The following CDKAL1 variants were observed in gnomAD, a reference collection of about 807,000 sequenced individuals.
CDKAL1 encodes threonylcarbamoyladenosine tRNA methylthiotransferase.
Under a neutral mutation model 68.2 loss-of-function variants are expected in CDKAL1, and 32 were observed. The ratio of observed to expected loss-of-function variants is 0.47; its 90% CI spans 0.35 to 0.63. The LOEUF is 0.63. CDKAL1 is among the 30% of genes least tolerant of loss of function. The probability of loss-of-function intolerance (pLI) is 0.00; values close to 1 mark genes in which losing one functional copy is unlikely to be tolerated. For missense variants in CDKAL1, 606 were observed against 696.7 expected, an observed-to-expected ratio of 0.87 and a Z score of 1.47; for synonymous variants, 234 against 244.3, an observed-to-expected ratio of 0.96 and a Z score of 0.39.
chr6:20,711,298 A>G (rs1771833193), intron 5 of CDKAL1, among the ~76,000 whole-genome samples: 1 of 152,218 alleles, frequency 6.6e-6, no homozygotes, highest in Admixed American at 6.5e-5. Context: ...CGAGTATGTC[A>G]TTAGCCAAAT....
intron 13 of CDKAL1, among the ~76,000 whole-genome samples, chr6:21,136,739 A>G: frequency 6.6e-6 from 1 of 152,216 alleles, no homozygotes; most frequent in Admixed American, 6.5e-5. Context: ...TCCCAAGAAC[A>G]CGATGGTCCC....
chr6:20,879,273 CT>C (rs1179976730), intron 9 of CDKAL1, among the ~76,000 whole-genome samples: 1 of 152,132 alleles, frequency 6.6e-6, no homozygotes, highest in African/African-American at 2.4e-5. Flanking sequence ...GGCAAAGCCA[CT>C]TTGGTAGAGT....
At chr6:20,785,063 C>T (rs1003007575) in intron 8 of CDKAL1, among the ~76,000 whole-genome samples, 2 of 152,080 alleles carry the variant, frequency 1.3e-5, no homozygotes, top group African/African-American at 4.8e-5. Flanking sequence ...TTTGGCATCA[C>T]TCTCATCCTC....
At chr6:20,969,470 G>T (rs539287440) in intron 10 of CDKAL1, among the ~76,000 whole-genome samples, 16 of 152,302 alleles carry the variant, frequency 1.1e-4, no homozygotes, top group African/African-American at 3.9e-4. Context: ...AGTCTCAGGG[G>T]TGGTAAAGAC....
At chr6:21,128,959 G>GT (rs1388439816) in intron 13 of CDKAL1, among the ~76,000 whole-genome samples, 3 of 152,158 alleles carry the variant, frequency 2.0e-5, no homozygotes, top group African/African-American at 7.2e-5. Flanking sequence ...TCTGTCCTGG[G>GT]TTTGAATCTG....
Position 20,647,448 on chromosome 6 carries a change from G to A in CDKAL1, c.287-1845G>A, listed in dbSNP as rs567344314. Among the ~76,000 whole-genome samples the A allele has an allele frequency of 3.0e-4, 45 of 152,226 alleles. 1 individual carries two copies. Among genetic ancestry groups the A allele is most frequent in the Admixed American group, 1.8e-3 (28 of 15,292 alleles). ...CTACTTGCATATTGTTTAGTGTGCC[G>A]TGACAATTTGAATGTCTACTCTGTG... On this transcript the variant is annotated intron_variant, in intron 4 of 15. Transcript: ENST00000274695.
At chr6:20,585,510 C>G (rs938639437) in intron 4 of CDKAL1, among the ~76,000 whole-genome samples, 1 of 152,168 alleles carries the variant, frequency 6.6e-6, no homozygotes, top group Non-Finnish European at 1.5e-5. Context: ...CTACGGAGGC[C>G]CTTTTACTTG....
Position 20,882,239 on chromosome 6 carries a change from C to T in CDKAL1, c.742+36061C>T, listed in dbSNP as rs562483307. On this transcript the variant is annotated intron_variant, in intron 9 of 15. Transcript: ENST00000274695. ...ATTCCTGTCTCCAAAGGCGGAAGAA[C>T]GCTGAGGATTCCAAATGAACTCCAC... Among the ~76,000 whole-genome samples the T allele has an allele frequency of 1.2e-4, 19 of 152,272 alleles. No individual in the cohort carries two copies. In the East Asian group the frequency reaches 2.9e-3, roughly 23 times the overall value.
At chr6:20,863,037 A>C (rs114791930) in intron 9 of CDKAL1, among the ~76,000 whole-genome samples, 2,047 of 152,314 alleles carry the variant, frequency 0.013, 30 homozygotes, top group African/African-American at 0.047. Context: ...AATAAAAAAA[A>C]GAAGAGGAAA....
At chr6:20,894,431 T>C (rs1581781069) in intron 9 of CDKAL1, among the ~76,000 whole-genome samples, 1 of 145,860 alleles carries the variant, frequency 6.9e-6, no homozygotes, top group African/African-American at 2.5e-5. Context: ...AAACATATAA[T>C]GGATATTTCT....
intron 2 of CDKAL1, among the ~76,000 whole-genome samples, chr6:20,541,482 T>A (rs929546593): frequency 6.6e-6 from 1 of 152,188 alleles, no homozygotes; most frequent in Admixed American, 6.5e-5. Flanking sequence ...GCCACTTCAG[T>A]GACAAGAGAA....
intron 5 of CDKAL1, among the ~76,000 whole-genome samples, chr6:20,657,077 T>A (rs1399799813): frequency 6.6e-6 from 1 of 151,830 alleles, no homozygotes; most frequent in African/African-American, 2.4e-5. Flanking sequence ...AGTGATGGAT[T>A]ACTCTTGTCA....
At chr6:20,569,436 C>T (rs939878433) in intron 4 of CDKAL1, among the ~76,000 whole-genome samples, 1 of 152,194 alleles carries the variant, frequency 6.6e-6, no homozygotes, top group African/African-American at 2.4e-5. Context: ...TTCTTCCTGA[C>T]TCATCATCCC....
rs74460257 is a variant in CDKAL1, at chr6:21,138,154, T to C, written c.1299+29691T>C. Reference sequence around the variant, plus strand: ...ATAGTTTATGGCCATCTGTATTCTGTCATGCAAAAGAAGATGGTTCTTCCA... The same window carrying C: ...ATAGTTTATGGCCATCTGTATTCTGCCATGCAAAAGAAGATGGTTCTTCCA... On this transcript the variant is annotated intron_variant, in intron 13 of 15. Transcript: ENST00000274695. Among the ~76,000 whole-genome samples, 861 of 152,294 alleles carry C rather than the reference T, an allele frequency of 5.7e-3. 6 individuals carry two copies. The highest frequency in any genetic ancestry group is 0.019 in the African/African-American group (771 of 41,558).
At chr6:20,917,090 C>G (rs1216054952) in intron 9 of CDKAL1, among the ~76,000 whole-genome samples, 1 of 152,210 alleles carries the variant, frequency 6.6e-6, no homozygotes, top group Non-Finnish European at 1.5e-5. Flanking sequence ...AAGCGATTCT[C>G]CTGTCTCAGC....
chr6:21,144,761 C>T (rs1776083400), intron 13 of CDKAL1, among the ~76,000 whole-genome samples: 1 of 151,942 alleles, frequency 6.6e-6, no homozygotes, highest in Non-Finnish European at 1.5e-5. Context: ...GATCATTATG[C>T]CTTTGCACTC....
rs1205307748 is a variant in CDKAL1, at chr6:20,748,554, GGAAAAAAAAAAAAAAA to G, written c.468+8940_468+8955del. Reference sequence around the variant, plus strand: ...GGAAAGAGAGCAAGACTCTGTTTCTGGAAAAAAAAAAAAAAAAAAAAAAAAAAAAAAAAAAAAAAAA... The same window carrying G: ...GGAAAGAGAGCAAGACTCTGTTTCTGAAAAAAAAAAAAAAAAAAAAAAAAA... On this transcript the variant is annotated intron_variant, in intron 6 of 15. Coordinates refer to ENST00000274695, the MANE Select transcript of CDKAL1 (RefSeq NM_017774.3). Among the ~76,000 whole-genome samples, 443 of 77,034 alleles carry G rather than the reference GGAAAAAAAAAAAAAAA, an allele frequency of 5.8e-3. 30 individuals carry two copies. The highest frequency in any genetic ancestry group is 0.02 in the African/African-American group (426 of 20,964). 50.5% of individuals were successfully genotyped at this position (77,034 alleles called of 152,430 possible). A position where few individuals can be genotyped will look rare whatever the true frequency, so the allele number is the denominator to read the frequency against.
chr6:20,559,589 ACTT>A (rs1375595774), intron 4 of CDKAL1: 7 of 152,166 alleles, frequency 4.6e-5, no homozygotes, highest in Non-Finnish European at 1.0e-4. Flanking sequence ...TCTGGTTTGC[ACTT>A]CTTGTAGCAT....
intron 10 of CDKAL1, among the ~76,000 whole-genome samples, chr6:20,956,059 G>A (rs1351626310): frequency 1.3e-5 from 2 of 152,188 alleles, no homozygotes. Context: ...ATACATAGGG[G>A]TGAAGTTGAA....
Sources: allele counts gnomAD v4.1 joint callset (sites outside exome capture counted in the v4.1 genomes callset), GRCh38; gene constraint gnomAD v4.1.1; transcripts MANE v1.5; gene names NCBI Gene and HGNC (gene_info 2026-07-23, HGNC 2026-07-21).